DMD: variants seen among roughly 807,000 people sequenced by gnomAD.
DMD encodes the protein dystrophin, also known as mutant dystrophin.
DMD carries 63 observed loss-of-function variants against 330.1 expected under a neutral mutation model. That is an observed-to-expected ratio of 0.19 (90% confidence interval 0.16 to 0.24). DMD has a LOEUF of 0.24. Among genes scored for constraint, DMD ranks in the 10% least tolerant of loss-of-function variants. The pLI is 1.00. For missense variants in DMD, 3,344 were observed against 2,684.1 expected (o/e 1.25, Z -5.43); for synonymous variants, 1,223 against 959.8 (o/e 1.27, Z -5.07).
intron 7 of DMD, among the ~76,000 whole-genome samples, chrX:32,793,744 G>A (rs913642547): frequency 2.1e-4 from 23 of 111,604 alleles, no homozygotes; most frequent in African/African-American, 7.5e-4. Context: ...AATTAGTAAT[G>A]ATCTTGAATC....
Position 32,735,039 on chromosome X carries a change from C to G in DMD, c.650-35746G>C, listed in dbSNP as rs779756984. Among the ~76,000 whole-genome samples, 186 of 111,174 alleles carry G rather than the reference C, an allele frequency of 1.7e-3. 1 individual carries two copies. Among genetic ancestry groups the G allele is most frequent in the Non-Finnish European group, 1.5e-3 (79 of 53,142 alleles). On this transcript the variant is annotated intron_variant, in intron 7 of 78. Coordinates refer to ENST00000357033, the MANE Select transcript of DMD (RefSeq NM_004006.3). Reference sequence around the variant, plus strand: ...CCCCACTGTCTCAGCCTAAAATCTCCTTAAGCTGATAGGGAACTTCAGCAA... The same window carrying G: ...CCCCACTGTCTCAGCCTAAAATCTCGTTAAGCTGATAGGGAACTTCAGCAA...
At chrX:32,159,898 A>G (rs1052869132) in intron 44 of DMD, among the ~76,000 whole-genome samples, 3 of 112,002 alleles carry the variant, frequency 2.7e-5, no homozygotes, top group Non-Finnish European at 5.6e-5. Flanking sequence ...ACAATACCCC[A>G]GACCTACTGA....
chrX:32,566,798 C>G (rs1471969367), intron 15 of DMD, among the ~76,000 whole-genome samples: 1 of 111,539 alleles, frequency 9.0e-6, no homozygotes, highest in African/African-American at 3.3e-5. Context: ...AATTCAATTC[C>G]TGGGTACTGA....
intron 63 of DMD, among the ~76,000 whole-genome samples, chrX:31,234,298 T>C (rs2047507881): frequency 8.9e-6 from 1 of 112,881 alleles, no homozygotes; most frequent in African/African-American, 3.2e-5. Context: ...AAGTAGCTAT[T>C]ACCTGGCTGT....
chrX:32,436,933 A>T (rs146491633), intron 29 of DMD, among the ~76,000 whole-genome samples: 1,824 of 106,947 alleles, frequency 0.017, 31 homozygotes, highest in African/African-American at 0.06. Flanking sequence ...AGTCTCAGGG[A>T]CAGAGCAAGA....
chrX:31,143,409 C>T (rs990047736), intron 76 of DMD, among the ~76,000 whole-genome samples: 2 of 111,655 alleles, frequency 1.8e-5, no homozygotes, highest in Admixed American at 9.5e-5. Flanking sequence ...TTGTAAGTTT[C>T]CTGAGGCCTC....
rs2096745135 is a variant in DMD, at chrX:32,140,063, T to C, written c.6438+76853A>G. On this transcript the variant is annotated intron_variant, in intron 44 of 78. Coordinates refer to ENST00000357033, the MANE Select transcript of DMD (RefSeq NM_004006.3). ...CTAAAATTACTTGTTCCACCCTTGT[T>C]TTTGTCTTGTTTACATCCTACTTCC... Among the ~76,000 whole-genome samples the C allele has an allele frequency of 2.7e-5, 3 of 112,303 alleles. No individual in the cohort carries two copies. The South Asian group carries it at 1.1e-3, about 41-fold the overall frequency.
At chrX:32,949,960 A>C (rs2091124889) in intron 2 of DMD, among the ~76,000 whole-genome samples, 1 of 85,670 alleles carries the variant, frequency 1.2e-5, no homozygotes, top group African/African-American at 4.3e-5. Context: ...GTAAAGGTGC[A>C]GAGGCAAAAA....
chrX:31,299,049 T>C (rs1363710456), intron 62 of DMD, among the ~76,000 whole-genome samples: 1 of 112,067 alleles, frequency 8.9e-6, no homozygotes, highest in African/African-American at 3.2e-5. Context: ...GCTATGGTGA[T>C]GCTAATTTCA....
chrX:32,628,464 C>T (rs927621756), intron 11 of DMD, among the ~76,000 whole-genome samples: 4 of 106,154 alleles, frequency 3.8e-5, no homozygotes, highest in African/African-American at 1.4e-4. Context: ...TTCAAAAAAA[C>T]CTTCTTTTTG....
chrX:32,476,224 G>C (rs963319044), intron 21 of DMD, among the ~76,000 whole-genome samples: 1 of 111,129 alleles, frequency 9.0e-6, no homozygotes, highest in Non-Finnish European at 1.9e-5. Context: ...AAACACTTCA[G>C]TCTCTGAATT....
intron 9 of DMD, among the ~76,000 whole-genome samples, chrX:32,665,794 C>T (rs2061265417): frequency 8.9e-6 from 1 of 112,212 alleles, no homozygotes; most frequent in African/African-American, 3.2e-5. Flanking sequence ...GGCGCCATGT[C>T]TAATACACTC....
At chrX:33,217,368 G>T (rs1009740061) in intron 1 of DMD, among the ~76,000 whole-genome samples, 1 of 111,414 alleles carries the variant, frequency 9.0e-6, no homozygotes, top group Non-Finnish European at 1.9e-5. Flanking sequence ...GATTAGTTTT[G>T]GAAGAATTGA....
chrX:31,718,216 A>G (rs1164362781), intron 52 of DMD, among the ~76,000 whole-genome samples: 2 of 111,730 alleles, frequency 1.8e-5, no homozygotes, highest in African/African-American at 3.3e-5. Context: ...AAGGCCCTCG[A>G]CTGGAATTTA....
intron 55 of DMD, among the ~76,000 whole-genome samples, chrX:31,574,852 T>C (rs911127887): frequency 2.7e-5 from 3 of 111,952 alleles, no homozygotes; most frequent in Admixed American, 1.9e-4. Context: ...TTTCTAATCG[T>C]AGTTACTTTT....
intron 62 of DMD, among the ~76,000 whole-genome samples, chrX:31,323,290 A>G (rs2060537097): frequency 8.9e-6 from 1 of 111,995 alleles, no homozygotes; most frequent in Non-Finnish European, 1.9e-5. Flanking sequence ...TCTCGCAAAG[A>G]TTGACTCCCA....
chrX:32,771,900 C>G (rs16990674), intron 7 of DMD, among the ~76,000 whole-genome samples: 1 of 111,372 alleles, frequency 9.0e-6, no homozygotes, highest in Non-Finnish European at 1.9e-5. Context: ...TGAAACCATT[C>G]CAAGTCAAAA....
chrX:31,832,813 G>C (rs2093082346), intron 49 of DMD, among the ~76,000 whole-genome samples: 1 of 112,176 alleles, frequency 8.9e-6, no homozygotes, highest in Non-Finnish European at 1.9e-5. Flanking sequence ...TACATGGCAG[G>C]TGATGTAAGC....
intron 47 of DMD, among the ~76,000 whole-genome samples, chrX:31,886,370 A>T (rs1603536856): frequency 8.9e-6 from 1 of 111,833 alleles, no homozygotes; most frequent in African/African-American, 3.2e-5. Context: ...ATTTCTTTAC[A>T]TAAAAAATCA....
Sources: allele counts gnomAD v4.1 joint callset (sites outside exome capture counted in the v4.1 genomes callset), GRCh38; gene constraint gnomAD v4.1.1; transcripts MANE v1.5; gene names NCBI Gene and HGNC (gene_info 2026-07-23, HGNC 2026-07-21).